Variants in DNAH1 observed in about 807,000 individuals in gnomAD.
DNAH1 encodes the protein axonemal beta dynein heavy chain 1.
In DNAH1, 327 loss-of-function variants were observed where a neutral mutation model predicts 484.3. That is an observed-to-expected ratio of 0.68 (90% CI 0.62 to 0.74). DNAH1 has a LOEUF of 0.74. Ranked by LOEUF, DNAH1 falls within the 30% of genes least tolerant of loss-of-function variation. The pLI is 0.00. For missense variants in DNAH1, 5,052 were observed against 5,546.8 expected, an observed-to-expected ratio of 0.91 and a Z score of 2.83; for synonymous variants, 2,192 against 2,191.9, an observed-to-expected ratio of 1.00 and a Z score of 0.00.
intron 40 of DNAH1, 26 bp from the exon 41 acceptor site, chr3:52,370,692 C>G (rs1703299184): frequency 6.3e-7 from 1 of 1,596,584 alleles, no homozygotes; most frequent in Non-Finnish European, 8.5e-7. Flanking sequence ...GCCTCACAGC[C>G]TGCTTCTCCT....
chr3:52,352,267 G>A (rs1487065995), intron 17 of DNAH1, among the ~76,000 whole-genome samples, 164 bp downstream of exon 17: 1 of 152,198 alleles, frequency 6.6e-6, no homozygotes, highest in Non-Finnish European at 1.5e-5. Context: ...TGAACGCAAA[G>A]GCCAAAGAGA....
At position 52,326,838 on chromosome 3, in the gene DNAH1, C is replaced by A. The variant is rs753706835; in HGVS notation, c.685C>A (p.Gln229Lys). The A allele has an allele frequency of 6.2e-7, 1 of 1,613,674 alleles. No homozygotes were observed. The highest frequency in any genetic ancestry group is 1.7e-5 in the Admixed American group (1 of 59,978). Residue 229 changes from glutamine (Q) to lysine (K), a missense_variant, in exon 5 of 78, where the codon CAA (glutamine) becomes AAA (lysine). Gln to Lys is a moderately conservative substitution (Grantham distance 53). Transcript: ENST00000420323. The stretch of plus-strand genomic sequence containing the variant: ...CAGGCACCTGGACCACCAGCACCCC[C>A]AAACCATCGAACAGGGCCATGACCC... Reference protein sequence around the residue: ...MPRHLDHQHPQTIEQGHDPIF... With the variant: ...MPRHLDHQHPKTIEQGHDPIF...
chr3:52,394,139 CAG>C (rs1445947686), intron 66 of DNAH1, among the ~76,000 whole-genome samples: 2 of 152,272 alleles, frequency 1.3e-5, no homozygotes, highest in Non-Finnish European at 2.9e-5. Context: ...CCTGCCGAGA[CAG>C]TGAGAGTGAC....
At chr3:52,313,460 G>A (rs1700857734), upstream of DNAH1, among the ~76,000 whole-genome samples, 1 of 152,176 alleles carries the variant, frequency 6.6e-6, no homozygotes, top group South Asian at 2.1e-4. Context: ...CCTATATCCT[G>A]CAGGACAGCC....
At chr3:52,374,101 T>G (rs1703478457) in intron 44 of DNAH1, 1 of 1,102,496 alleles carries the variant, frequency 9.1e-7, no homozygotes. Flanking sequence ...AGAGAGATTT[T>G]CTTAAAACCA....
intron 8 of DNAH1, among the ~76,000 whole-genome samples, chr3:52,342,205 G>A (rs1157601497): frequency 1.3e-5 from 2 of 152,280 alleles, no homozygotes; most frequent in Non-Finnish European, 2.9e-5. Flanking sequence ...CAGGGTTACT[G>A]TGGTTGGGAT....
At chr3:52,333,205 G>T in intron 8 of DNAH1, among the ~76,000 whole-genome samples, 1 of 152,100 alleles carries the variant, frequency 6.6e-6, no homozygotes, top group Non-Finnish European at 1.5e-5. Flanking sequence ...TTTTAGTTGA[G>T]GAATTATATT....
In DNAH1 at chr3:52,397,876, A is replaced by C. The variant is rs199579301; in HGVS notation, c.11957A>C (p.Glu3986Ala). 6 of 1,598,958 alleles carry C rather than the reference A, an allele frequency of 3.8e-6. No homozygotes were observed. Among genetic ancestry groups the C allele is most frequent in the Non-Finnish European group, 5.1e-6 (6 of 1,171,734 alleles). ...SSSAGSQGREEIVEDVTQNIL... is the reference protein window; with the variant it reads ...SSSAGSQGREAIVEDVTQNIL... ...TCTGCAGGCAGCCAGGGCCGGGAGG[A>C]GGTGGGTGGTGTCAGAGTAAGGGGC... The change falls in exon 74 of 78, where the codon GAG becomes GCG. Residue 3986 changes from glutamate (E) to alanine (A), a missense_variant and splice_region_variant. Physicochemically the swap from Glu to Ala is moderately radical, Grantham distance 107 (BLOSUM62 -1). This residue lies in a region of DNAH1 where 853 missense variants were observed against 899.0 expected (regional missense o/e 0.95). Coordinates refer to ENST00000420323, the MANE Select transcript of DNAH1 (RefSeq NM_015512.5).
At chr3:52,334,670 A>AT (rs1164402747) in intron 8 of DNAH1, among the ~76,000 whole-genome samples, 1 of 152,040 alleles carries the variant, frequency 6.6e-6, no homozygotes, top group Non-Finnish European at 1.5e-5. Context: ...GCACACGACT[A>AT]TAATACCAGT....
intron 8 of DNAH1, among the ~76,000 whole-genome samples, chr3:52,343,234 G>A (rs1232694655): frequency 2.6e-5 from 4 of 152,130 alleles, no homozygotes; most frequent in Non-Finnish European, 4.4e-5. Context: ...TAAAGTCAAA[G>A]GAGGGAAGGA....
chr3:52,356,034 AC>A (rs1480823178), intron 21 of DNAH1, among the ~76,000 whole-genome samples: 2 of 152,078 alleles, frequency 1.3e-5, no homozygotes, highest in Non-Finnish European at 2.9e-5. Context: ...GCTGACTGTG[AC>A]CCCCATCCCA....
At position 52,364,888 on chromosome 3, in the gene DNAH1, A is replaced by C. The variant is rs1183613729; in HGVS notation, c.5387A>C (p.Glu1796Ala). ...GTGAACGTGCCCAAGTTCCTGCAGG[A>C]GGACCTCAAGCTCTTCTCTGGCATC... is the stretch of plus-strand genomic sequence containing the variant. ...RDVNVPKFLQ[E>A]DLKLFSGIVS... Residue 1796 changes from glutamate (E) to alanine (A), a missense_variant, in exon 34 of 78, where the codon GAG (glutamate) becomes GCG (alanine). Physicochemically the swap from Glu to Ala is moderately radical, Grantham distance 107. Around this residue, in one of 4 missense-constraint regions of DNAH1, gnomAD observed 2,929 missense variants for 3,409.4 expected, o/e 0.86. Coordinates refer to ENST00000420323, the MANE Select transcript of DNAH1 (RefSeq NM_015512.5). The surrounding 1 kb of genome is among the most constrained non-coding windows in gnomAD (Gnocchi z 4.2). The C allele has an allele frequency of 2.5e-6, 4 of 1,613,854 alleles. No individual in the cohort carries two copies. The African/African-American group carries it at 5.3e-5, about 22-fold the overall frequency.
intron 8 of DNAH1, 140 bp downstream of exon 8, chr3:52,332,534 T>C (rs1388819823): frequency 4.7e-6 from 6 of 1,287,640 alleles, no homozygotes; most frequent in African/African-American, 1.5e-5. Context: ...CCCTCTGGAC[T>C]TGTTGGGGCC....
At position 52,353,939 on chromosome 3, in the gene DNAH1, T is replaced by C. The variant is rs1347766243; in HGVS notation, c.3480+306T>C. ...GGGTGCAGTGACACATGCCTGTAAATCCCAGCACTTTGGGAGGATGAGGAG... is the reference window on the plus strand; with the variant it reads ...GGGTGCAGTGACACATGCCTGTAAACCCCAGCACTTTGGGAGGATGAGGAG... On this transcript the variant is annotated intron_variant, in intron 20 of 77. Coordinates refer to ENST00000420323, the MANE Select transcript of DNAH1 (RefSeq NM_015512.5). The surrounding 1 kb of genome is among the most constrained non-coding windows in gnomAD (Gnocchi z 5.0). The C allele has an allele frequency of 2.8e-6, 1 of 353,862 alleles. No individual in the cohort carries two copies. The highest frequency in any genetic ancestry group is 5.3e-6 in the Non-Finnish European group (1 of 187,678). 21.9% of individuals were successfully genotyped at this position (353,862 alleles called of 1,614,324 possible).
chr3:52,385,246 C>T (rs1578187006), intron 53 of DNAH1, 91 bp from the exon 54 acceptor site: 7 of 1,337,230 alleles, frequency 5.2e-6, no homozygotes, highest in East Asian at 2.5e-5. Context: ...CCGGCCACAG[C>T]TTCTCTCTCA....
intron 21 of DNAH1, among the ~76,000 whole-genome samples, 192 bp from the exon 22 acceptor site, chr3:52,356,422 C>T (rs1264663650): frequency 1.3e-5 from 2 of 152,222 alleles, no homozygotes; most frequent in African/African-American, 2.4e-5. Flanking sequence ...GCAGGCATCC[C>T]TGTATCCTCT....
chr3:52,369,467 C>T (rs1007439872), intron 37 of DNAH1, among the ~76,000 whole-genome samples: 112 of 152,310 alleles, frequency 7.4e-4, no homozygotes, highest in African/African-American at 2.5e-3. Context: ...AAAGCAAATA[C>T]CTGGCAGTCA....
In DNAH1 at chr3:52,370,058, A is replaced by G. The variant is rs1391962853; in HGVS notation, c.6138+39A>G. 13 of 1,613,660 alleles carry G rather than the reference A, an allele frequency of 8.1e-6. No homozygotes were observed. In the East Asian group the frequency reaches 2.7e-4, roughly 33 times the overall value. ...CGGGTATGTCTGACCCTGGCAGGGC[A>G]GCAGGGCACTGTGGCTGCCAGCCAT... On this transcript the variant is annotated intron_variant, in intron 38 of 77. Coordinates refer to ENST00000420323, the MANE Select transcript of DNAH1 (RefSeq NM_015512.5).
Position 52,361,128 on chromosome 3 carries a change from T to C in DNAH1, c.4686-36T>C, listed in dbSNP as rs1450000379. The C allele has an allele frequency of 3.4e-6, 5 of 1,490,772 alleles. No individual in the cohort carries two copies. The highest frequency in any genetic ancestry group is 4.8e-5 in the Admixed American group (2 of 41,742). The allele number at this position is 1,490,772 out of a possible 1,614,324, so 92.3% of individuals were successfully genotyped here. A position where few individuals can be genotyped will look rare whatever the true frequency, so the allele number is the denominator to read the frequency against. On this transcript the variant is annotated intron_variant, in intron 28 of 77. Coordinates refer to ENST00000420323, the MANE Select transcript of DNAH1 (RefSeq NM_015512.5). The surrounding 1 kb of genome is among the most constrained non-coding windows in gnomAD (Gnocchi z 5.6). ...AAGGAAAGGGGGAGTGTCCAGGCCA[T>C]GTGCGGCCCGAGCCCACCTCCTCTG...
Sources: gnomAD v4.1 joint callset for allele counts (sites outside exome capture counted in the v4.1 genomes callset) on GRCh38, gnomAD v4.1.1 for gene constraint, gnomAD v4.1.1 regional missense constraint, Gnocchi (gnomAD v3.1) non-coding constraint, MANE v1.5 for transcripts, NCBI Gene and HGNC (gene_info 2026-07-23, HGNC 2026-07-21) for gene names.